Variants in NRTN observed in about 807,000 individuals in gnomAD.
The protein encoded by NRTN is neurturin.
A neutral mutation model predicts 7.5 loss-of-function variants in NRTN; 3 were observed. The ratio of observed to expected loss-of-function variants is 0.40; its 90% CI spans 0.18 to 1.03. The LOEUF is 1.03. NRTN is among the 50% of genes least tolerant of loss of function. The probability of loss-of-function intolerance (pLI) is 0.34; values close to 1 mark genes in which losing one functional copy is unlikely to be tolerated. For synonymous variants in NRTN, 157 were observed against 146.6 expected (o/e 1.07, Z -0.51); for missense variants, 310 against 307.0 (o/e 1.01, Z -0.07).
At chr19:5,816,949 C>A (rs1017225314) in intron 1 of NRTN, among the ~76,000 whole-genome samples, 26 of 152,286 alleles carry the variant, frequency 1.7e-4, no homozygotes, top group African/African-American at 6.3e-4. Flanking sequence ...CTAGTGGATT[C>A]ATGCGGTGGT....
chr19:5,807,842 G>A (rs2056978842), intron 1 of NRTN, among the ~76,000 whole-genome samples: 3 of 152,208 alleles, frequency 2.0e-5, no homozygotes, highest in Admixed American at 1.3e-4. Context: ...CAACACTTTG[G>A]GAGGCCAAGG....
chr19:5,821,907 G>A lies in NRTN; in HGVS notation c.-398-1861G>A, dbSNP rs1218554490. Among the ~76,000 whole-genome samples, 9 of 152,282 alleles carry A rather than the reference G, an allele frequency of 5.9e-5. No homozygotes were observed. The South Asian group carries it at 6.2e-4, about 11-fold the overall frequency. ...TCCCAAGCCCAGCCCAGCCCATATG[G>A]TGTGTGCTGTGTCAAAGAACCTGGG... On this transcript the variant is annotated intron_variant, in intron 1 of 2. Coordinates refer to ENST00000303212, the MANE Select transcript of NRTN (RefSeq NM_004558.5).
chr19:5,817,971 T>C (rs2057011374), intron 1 of NRTN, among the ~76,000 whole-genome samples: 1 of 151,678 alleles, frequency 6.6e-6, no homozygotes, highest in Non-Finnish European at 1.5e-5. Context: ...GGCTAATTTT[T>C]TTTCTTTTTT....
chr19:5,819,266 C>T (rs1327783338), intron 1 of NRTN, among the ~76,000 whole-genome samples: 1 of 152,164 alleles, frequency 6.6e-6, no homozygotes, highest in Non-Finnish European at 1.5e-5. Context: ...GTGGCTCATG[C>T]CTGTAATCCC....
At chr19:5,815,844 A>C (rs1475269632) in intron 1 of NRTN, among the ~76,000 whole-genome samples, 1 of 150,066 alleles carries the variant, frequency 6.7e-6, no homozygotes, top group Non-Finnish European at 1.5e-5. Flanking sequence ...TCCCGGGTTC[A>C]AGCAATTCTT....
chr19:5,809,370 C>T (rs1291267873), intron 1 of NRTN, among the ~76,000 whole-genome samples: 1 of 151,628 alleles, frequency 6.6e-6, no homozygotes, highest in Admixed American at 6.6e-5. Flanking sequence ...GGGGGTCTCG[C>T]TATGTTGCCC....
Position 5,822,256 on chromosome 19 carries a change from C to A in NRTN, c.-398-1512C>A, listed in dbSNP as rs1383146786. On this transcript the variant is annotated intron_variant, in intron 1 of 2. Coordinates refer to ENST00000303212, the MANE Select transcript of NRTN (RefSeq NM_004558.5). ...GGGTGGTGCAGGGCAGCGTGCAAGG[C>A]TGGAGGTACAAGGTGCACGCATTTG... Among the ~76,000 whole-genome samples the A allele has an allele frequency of 2.0e-5, 3 of 151,874 alleles. No individual in the cohort carries two copies. In the East Asian group the frequency reaches 5.8e-4, roughly 29 times the overall value.
chr19:5,824,037 A>G lies in NRTN; in HGVS notation c.-129A>G. On this transcript the variant is annotated 5_prime_UTR_variant, in exon 2 of 3. Coordinates refer to ENST00000303212, the MANE Select transcript of NRTN (RefSeq NM_004558.5). ...CTTGAGGGACCATTCCCATGTGATT[A>G]TCGACCATTCGGCAGGCGTTCAAAG... 8.3e-7 allele frequency: 1 copy of G among 1,200,368 alleles called. No individual in the cohort carries two copies. The highest frequency in any genetic ancestry group is 1.2e-6 in the Non-Finnish European group (1 of 832,224). The allele number at this position is 1,200,368 out of a possible 1,614,324, so 74.4% of individuals were successfully genotyped here.
chr19:5,826,244 G>T (rs1250260728), intron 2 of NRTN, among the ~76,000 whole-genome samples: 1 of 152,164 alleles, frequency 6.6e-6, no homozygotes, highest in African/African-American at 2.4e-5. Flanking sequence ...CCCCTCTGGG[G>T]TTGGGTGTGC....
chr19:5,805,757 G>T (rs577223989), intron 1 of NRTN, among the ~76,000 whole-genome samples: 1 of 152,074 alleles, frequency 6.6e-6, no homozygotes, highest in Non-Finnish European at 1.5e-5. Flanking sequence ...TCTGAGGAAC[G>T]CACGGTGCCC....
intron 1 of NRTN, among the ~76,000 whole-genome samples, chr19:5,817,958 C>A (rs779750038): frequency 1.3e-5 from 2 of 151,828 alleles, no homozygotes; most frequent in Non-Finnish European, 2.9e-5. Context: ...CACTGCCACA[C>A]CCGGCTAATT....
Position 5,827,958 on chromosome 19 carries a change from T to C in NRTN, c.379T>C (p.Phe127Leu). 2.0e-6 allele frequency: 3 copies of C among 1,488,654 alleles called. No individual in the cohort carries two copies. Among genetic ancestry groups the C allele is most frequent in the Non-Finnish European group, 2.7e-6 (3 of 1,125,968 alleles). The allele number at this position is 1,488,654 out of a possible 1,614,324, so 92.2% of individuals were successfully genotyped here. A position where few individuals can be genotyped will look rare whatever the true frequency, so the allele number is the denominator to read the frequency against. ...CTACGCGTCCGACGAGACGGTGCTG[T>C]TCCGCTACTGCGCAGGCGCCTGCGA... is the stretch of plus-strand genomic sequence containing the variant. Reference protein sequence around the residue: ...LGYASDETVLFRYCAGACEAA... With the variant: ...LGYASDETVLLRYCAGACEAA... Residue 127 changes from phenylalanine to leucine, a missense_variant, in exon 3 of 3, where the codon TTC becomes CTC. Physicochemically the swap from Phe to Leu is conservative, Grantham distance 22. Coordinates refer to ENST00000303212, the MANE Select transcript of NRTN (RefSeq NM_004558.5).
At chr19:5,822,247 CGTGCAAGG>C (rs2057027538) in intron 1 of NRTN, among the ~76,000 whole-genome samples, 1 of 64,440 alleles carries the variant, frequency 1.6e-5, no homozygotes, top group Admixed American at 2.0e-4. Flanking sequence ...TGCAGGGCAG[CGTGCAAGG>C]CTGGAGGTAC....
rs563699337 is a variant in NRTN, at chr19:5,806,152, C to T, written c.-399+701C>T. Among the ~76,000 whole-genome samples, 1 of 152,186 alleles carries T rather than the reference C, an allele frequency of 6.6e-6. No homozygotes were observed. Among genetic ancestry groups the T allele is most frequent in the Admixed American group, 6.5e-5 (1 of 15,276 alleles). Reference sequence around the variant, plus strand: ...AGGTGTCTCCTGCACGGGGATAGCCCCGAATTGTCCCAGGAGGTGGTTTGT... The same window carrying T: ...AGGTGTCTCCTGCACGGGGATAGCCTCGAATTGTCCCAGGAGGTGGTTTGT... On this transcript the variant is annotated intron_variant, in intron 1 of 2. Transcript: ENST00000303212. This position sits in a 1 kb window ranked among gnomAD's most constrained non-coding sequence, Gnocchi z 5.4.
chr19:5,823,145 G>A (rs896245492), intron 1 of NRTN, among the ~76,000 whole-genome samples: 10 of 151,382 alleles, frequency 6.6e-5, no homozygotes, highest in African/African-American at 1.9e-4. Flanking sequence ...GGCTGGGTGC[G>A]GTGGCTCATG....
chr19:5,805,518 G>A lies in NRTN; in HGVS notation c.-399+67G>A, dbSNP rs180868596. On this transcript the variant is annotated intron_variant, in intron 1 of 2. Transcript: ENST00000303212. ...TACGACGGGGACGACCTGCCCCATGGACGGGGCATGGAGGGTGCTGAGGAC... is the reference window on the plus strand; with the variant it reads ...TACGACGGGGACGACCTGCCCCATGAACGGGGCATGGAGGGTGCTGAGGAC... 2.5e-3 allele frequency among the ~76,000 whole-genome samples: 382 copies of A among 152,100 alleles called. 5 individuals are homozygous for A. The highest frequency in any genetic ancestry group is 0.017 in the Middle Eastern group (5 of 294).
chr19:5,821,178 G>C (rs2057023334), intron 1 of NRTN, among the ~76,000 whole-genome samples: 1 of 151,760 alleles, frequency 6.6e-6, no homozygotes, highest in Non-Finnish European at 1.5e-5. Context: ...ACTAAGCCCA[G>C]AGACTTCAAC....
At position 5,828,154 on chromosome 19, in the gene NRTN, G is replaced by A; in HGVS notation, c.575G>A (p.Arg192His). 1.3e-6 allele frequency: 2 copies of A among 1,529,964 alleles called. No individual in the cohort carries two copies. Among genetic ancestry groups the A allele is most frequent in the African/African-American group, 1.4e-5 (1 of 72,418 alleles). 94.8% of individuals were successfully genotyped at this position (1,529,964 alleles called of 1,614,324 possible). A position where few individuals can be genotyped will look rare whatever the true frequency, so the allele number is the denominator to read the frequency against. The change falls in exon 3 of 3, where the codon CGC becomes CAC. Residue 192 changes from arginine (R) to histidine (H), a missense_variant. By Grantham distance (29) the Arg-to-His change is conservative. Transcript: ENST00000303212. ...CACACGGTGCACGAGCTGTCGGCGC[G>A]CGAGTGCGCCTGCGTGTGACCCTAC... ...RYHTVHELSA[R>H]ECACV
chr19:5,821,164 G>A (rs940454129), intron 1 of NRTN, among the ~76,000 whole-genome samples: 1 of 152,062 alleles, frequency 6.6e-6, no homozygotes, highest in Non-Finnish European at 1.5e-5. Context: ...TGCACTGATT[G>A]TATACTAAGC....
Sources: gnomAD v4.1 joint callset for allele counts (sites outside exome capture counted in the v4.1 genomes callset) on GRCh38, gnomAD v4.1.1 for gene constraint, Gnocchi (gnomAD v3.1) non-coding constraint, MANE v1.5 for transcripts, NCBI Gene and HGNC (gene_info 2026-07-23, HGNC 2026-07-21) for gene names.